COG5: variants seen among roughly 807,000 people sequenced by gnomAD.
COG5 encodes conserved oligomeric Golgi complex subunit 5.
COG5 carries 86 observed loss-of-function variants against 110.4 expected under a neutral mutation model. The ratio of observed to expected loss-of-function variants is 0.78; its 90% CI spans 0.65 to 0.93. COG5 has a LOEUF of 0.93. Ranked by LOEUF, COG5 falls within the 40% of genes least tolerant of loss-of-function variation. COG5 has a pLI of 0.00. For synonymous variants in COG5, 360 were observed against 334.6 expected (o/e 1.08, Z -0.83); for missense variants, 1,077 against 987.0 (o/e 1.09, Z -1.22).
chr7:107,336,413 G>C (rs913498179), intron 10 of COG5, among the ~76,000 whole-genome samples: 1 of 152,174 alleles, frequency 6.6e-6, no homozygotes, highest in Non-Finnish European at 1.5e-5. Flanking sequence ...GAGACACAAA[G>C]GGGCTGATTG....
chr7:107,459,072 C>A (rs1397071454), intron 6 of COG5, among the ~76,000 whole-genome samples: 1 of 151,760 alleles, frequency 6.6e-6, no homozygotes, highest in Non-Finnish European at 1.5e-5. Flanking sequence ...ACAAACAGAA[C>A]AAATGAGAGG....
At chr7:107,352,634 G>T (rs1562983964) in intron 10 of COG5, among the ~76,000 whole-genome samples, 1 of 151,890 alleles carries the variant, frequency 6.6e-6, no homozygotes, top group Non-Finnish European at 1.5e-5. Context: ...TTCAAATTTG[G>T]ATATCCTAAA....
intron 6 of COG5, among the ~76,000 whole-genome samples, chr7:107,434,317 G>C (rs1256790141): frequency 6.6e-6 from 1 of 152,024 alleles, no homozygotes; most frequent in African/African-American, 2.4e-5. Flanking sequence ...TCCCATTTTG[G>C]GGCATACACC....
At chr7:107,314,592 A>AAAC (rs1554411900) in intron 11 of COG5, among the ~76,000 whole-genome samples, 5 of 150,454 alleles carry the variant, frequency 3.3e-5, no homozygotes, top group African/African-American at 1.2e-4. Context: ...CAAAAAAAAA[A>AAAC]AAAAAAAAAA....
At position 107,352,004 on chromosome 7, in the gene COG5, A is replaced by G. The variant is rs1812185057; in HGVS notation, c.1026+10029T>C. On this transcript the variant is annotated intron_variant, in intron 10 of 21. Coordinates refer to ENST00000297135, the MANE Select transcript of COG5 (RefSeq NM_006348.5). Reference sequence around the variant, plus strand: ...ATAAATCACGCTGCTATAAAGACACATGCACACATGTTTATTGCGGCACTA... The same window carrying G: ...ATAAATCACGCTGCTATAAAGACACGTGCACACATGTTTATTGCGGCACTA... 1.4e-5 allele frequency among the ~76,000 whole-genome samples: 2 copies of G among 145,036 alleles called. 1 individual carries two copies. Among genetic ancestry groups the G allele is most frequent in the African/African-American group, 4.9e-5 (2 of 40,654 alleles).
Position 107,324,536 on chromosome 7 carries a change from CA to C in COG5, c.1027-16del, listed in dbSNP as rs1165979060. ...GGTTGTCCATCCTGTGAAGAACAAACAAAAATTTTTTAAAAATAAAAAAATG... is the reference window on the plus strand; with the variant it reads ...GGTTGTCCATCCTGTGAAGAACAAACAAAATTTTTTAAAAATAAAAAAATG... On this transcript the variant is annotated splice_polypyrimidine_tract_variant and intron_variant, in intron 10 of 21. Coordinates refer to ENST00000297135, the MANE Select transcript of COG5 (RefSeq NM_006348.5). The C allele has an allele frequency of 4.5e-6, 7 of 1,546,166 alleles. No homozygotes were observed. In the African/African-American group the frequency reaches 6.8e-5, roughly 15 times the overall value.
intron 6 of COG5, among the ~76,000 whole-genome samples, chr7:107,454,379 T>C (rs1306635461): frequency 3.3e-5 from 5 of 152,178 alleles, no homozygotes; most frequent in Non-Finnish European, 7.4e-5. Flanking sequence ...AAATCTGTTG[T>C]GTGGGGAACG....
chr7:107,330,575 C>G (rs1371730906), intron 10 of COG5, among the ~76,000 whole-genome samples: 1 of 152,150 alleles, frequency 6.6e-6, no homozygotes, highest in East Asian at 1.9e-4. Context: ...TATTTGACAG[C>G]TTCTTACTGC....
intron 12 of COG5, among the ~76,000 whole-genome samples, chr7:107,291,332 C>A (rs1470021954): frequency 6.6e-6 from 1 of 152,134 alleles, no homozygotes; most frequent in South Asian, 2.1e-4. Flanking sequence ...CAGGTCAAAG[C>A]TATTCACAGA....
chr7:107,518,906 G>T (rs1334890991), intron 6 of COG5, among the ~76,000 whole-genome samples: 2 of 152,136 alleles, frequency 1.3e-5, no homozygotes, highest in African/African-American at 2.4e-5. Context: ...CTCATAATTG[G>T]AAATAAACAC....
intron 6 of COG5, among the ~76,000 whole-genome samples, chr7:107,467,425 C>T (rs1206436363): frequency 6.6e-6 from 1 of 152,108 alleles, no homozygotes; most frequent in Non-Finnish European, 1.5e-5. Flanking sequence ...GGTGCAATCG[C>T]AGCTCACTGC....
At chr7:107,273,385 T>G (rs2116735346) in intron 14 of COG5, among the ~76,000 whole-genome samples, 1 of 152,346 alleles carries the variant, frequency 6.6e-6, no homozygotes, top group Admixed American at 6.5e-5. Flanking sequence ...GATTAAATGT[T>G]GACACTTTTA....
intron 6 of COG5, among the ~76,000 whole-genome samples, chr7:107,489,246 C>A (rs935631142): frequency 6.6e-6 from 1 of 152,102 alleles, no homozygotes; most frequent in African/African-American, 2.4e-5. Context: ...ATAAACTCTT[C>A]GCTAAAATGT....
Position 107,210,708 on chromosome 7 carries a change from C to T in COG5, c.2296-103G>A. 3 of 1,289,400 alleles carry T rather than the reference C, an allele frequency of 2.3e-6. No homozygotes were observed. The Admixed American group carries it at 5.9e-5, about 25-fold the overall frequency. The allele number at this position is 1,289,400 out of a possible 1,614,324, so 79.9% of individuals were successfully genotyped here. On this transcript the variant is annotated intron_variant, in intron 20 of 21. Transcript: ENST00000297135. ...ACTCTCAAGTATTCCCAAGGTGAAACTGCCCCAAAACCTGTCCAAGGGAAG... is the reference window on the plus strand; with the variant it reads ...ACTCTCAAGTATTCCCAAGGTGAAATTGCCCCAAAACCTGTCCAAGGGAAG...
At chr7:107,441,586 A>C (rs1419196979) in intron 6 of COG5, among the ~76,000 whole-genome samples, 2 of 152,206 alleles carry the variant, frequency 1.3e-5, no homozygotes, top group African/African-American at 4.8e-5. Context: ...CTCCAAGTGT[A>C]TGCACCTTCC....
intron 16 of COG5, among the ~76,000 whole-genome samples, chr7:107,251,844 C>T (rs570135708): frequency 1.3e-5 from 2 of 151,838 alleles, no homozygotes; most frequent in African/African-American, 4.8e-5. Flanking sequence ...AGTATTGAAA[C>T]TAGCAAAAAG....
At chr7:107,286,258 C>T (rs1305789374) in intron 12 of COG5, among the ~76,000 whole-genome samples, 9 of 152,214 alleles carry the variant, frequency 5.9e-5, no homozygotes, top group East Asian at 3.9e-4. Flanking sequence ...AACAGATGGA[C>T]GTCATGTTAG....
intron 6 of COG5, among the ~76,000 whole-genome samples, chr7:107,486,448 A>G (rs538182433): frequency 6.6e-6 from 1 of 152,266 alleles, no homozygotes; most frequent in Admixed American, 6.5e-5. Flanking sequence ...CAGATATTGC[A>G]GCAATGTCTT....
chr7:107,511,193 TAA>T (rs1451503939), intron 6 of COG5, among the ~76,000 whole-genome samples: 2 of 151,688 alleles, frequency 1.3e-5, no homozygotes, highest in Admixed American at 6.6e-5. Context: ...ATAGATGCAA[TAA>T]AAAATGATAA....
Sources: gnomAD v4.1 joint callset for allele counts (sites outside exome capture counted in the v4.1 genomes callset) on GRCh38, gnomAD v4.1.1 for gene constraint, MANE v1.5 for transcripts, NCBI Gene and HGNC (gene_info 2026-07-23, HGNC 2026-07-21) for gene names.